The following SMARCA4 variants were observed in gnomAD, a reference collection of about 807,000 sequenced individuals.
SMARCA4 encodes the protein SWI/SNF related BAF chromatin remodeling complex subunit ATPase 4, also known as SWI/SNF-related matrix-associated actin-dependent regulator of chromatin subfamily A member 4.
SMARCA4 carries 31 observed loss-of-function variants against 193.9 expected under a neutral mutation model. The observed-to-expected ratio is 0.16, with a 90% confidence interval of 0.12 to 0.22. The LOEUF is 0.22. Ranked by LOEUF, SMARCA4 falls within the 10% of genes least tolerant of loss-of-function variation. SMARCA4 has a pLI of 1.00. For synonymous variants in SMARCA4, 942 were observed against 933.1 expected (o/e 1.01, Z -0.17); for missense variants, 1,148 against 2,296.0 (o/e 0.50, Z 10.22).
chr19:11,022,270 C>T (rs1296377346), intron 19 of SMARCA4, among the ~76,000 whole-genome samples: 3 of 152,174 alleles, frequency 2.0e-5, no homozygotes, highest in Non-Finnish European at 4.4e-5. Context: ...GGACCGCAAG[C>T]GTGTGGAGAG....
At position 10,986,840 on chromosome 19, in the gene SMARCA4, C is replaced by T. The variant is rs912426251; in HGVS notation, c.761-65C>T. ...TGTCCCCTGGAGCCAGGGCTGCCCA[C>T]GGGGCTGGGCGCAGGCATAAACCTG... On this transcript the variant is annotated intron_variant, in intron 4 of 34. Coordinates refer to ENST00000344626, the MANE Select transcript of SMARCA4 (RefSeq NM_003072.5). The surrounding 1 kb of genome is among the most constrained non-coding windows in gnomAD (Gnocchi z 6.7). The T allele has an allele frequency of 1.3e-5, 19 of 1,422,226 alleles. No individual in the cohort carries two copies. In the Middle Eastern group the frequency reaches 5.3e-4, roughly 40 times the overall value. The allele number at this position is 1,422,226 out of a possible 1,614,324, so 88.1% of individuals were successfully genotyped here.
rs1600168312 is a variant in SMARCA4, at chr19:11,007,988, T to A, written c.2088T>A (p.Asp696Glu). The A allele has an allele frequency of 1.9e-6, 3 of 1,613,624 alleles. No individual in the cohort carries two copies. Among genetic ancestry groups the A allele is most frequent in the Admixed American group, 3.3e-5 (2 of 60,012 alleles). The change falls in exon 14 of 35, where the codon GAT becomes GAA. Residue 696 changes from aspartate to glutamate, a missense_variant. Coordinates refer to ENST00000344626, the MANE Select transcript of SMARCA4 (RefSeq NM_003072.5). ...EKKKIPDPDS[D>E]DVSEVDARHI... ...AGAAGATTCCAGATCCAGACAGCGATGACGTCTCTGAGGTGGACGCGCGGC... is the reference window on the plus strand; with the variant it reads ...AGAAGATTCCAGATCCAGACAGCGAAGACGTCTCTGAGGTGGACGCGCGGC...
At chr19:11,008,467 C>G (rs1353897672) in intron 14 of SMARCA4, 1 of 318,250 alleles carries the variant, frequency 3.1e-6, no homozygotes, top group Non-Finnish European at 6.2e-6. Context: ...AACCTTCCCT[C>G]TTGGAGGTCA....
intron 11 of SMARCA4, among the ~76,000 whole-genome samples, chr19:10,997,611 C>G (rs1182007841): frequency 6.6e-6 from 1 of 152,094 alleles, no homozygotes; most frequent in Non-Finnish European, 1.5e-5. Flanking sequence ...CAGGCATAAG[C>G]CACCACGCCT....
Position 11,034,348 on chromosome 19 carries a change from A to T in SMARCA4, c.3951+148A>T. On this transcript the variant is annotated intron_variant, in intron 28 of 34. Coordinates refer to ENST00000344626, the MANE Select transcript of SMARCA4 (RefSeq NM_003072.5). This position sits in a 1 kb window ranked among gnomAD's most constrained non-coding sequence, Gnocchi z 7.0. ...CAGTGCAGCCCACTCCCACCTCCAG[A>T]CTGACCCGTCTTCCACCCCCAGTCT... The T allele has an allele frequency of 1.4e-6, 1 of 722,144 alleles. No individual in the cohort carries two copies. The highest frequency in any genetic ancestry group is 2.5e-6 in the Non-Finnish European group (1 of 400,760). The allele number at this position is 722,144 out of a possible 1,614,324, so 44.7% of individuals were successfully genotyped here.
chr19:10,996,114 T>A, intron 9 of SMARCA4, 99 bp from the exon 10 acceptor site: 1 of 1,201,056 alleles, frequency 8.3e-7, no homozygotes, highest in Non-Finnish European at 1.2e-6. Flanking sequence ...CCGCGTGAGC[T>A]ACGCGTGCCC....
intron 16 of SMARCA4, among the ~76,000 whole-genome samples, chr19:11,014,503 T>G (rs1404356669): frequency 6.6e-6 from 1 of 152,302 alleles, no homozygotes; most frequent in East Asian, 1.9e-4. Context: ...AGACCCAGAT[T>G]GCTACAGCGT....
chr19:11,012,808 A>G lies in SMARCA4; in HGVS notation c.2275-141A>G, dbSNP rs983871514. ...AGAATCAGTTTGGTTCAGAGGAAAA[A>G]TCCGTGGTAAAGGCAGTAGAGGGTG... On this transcript the variant is annotated intron_variant, in intron 15 of 34. Coordinates refer to ENST00000344626, the MANE Select transcript of SMARCA4 (RefSeq NM_003072.5). The G allele has an allele frequency of 6.8e-5, 51 of 752,466 alleles. 1 individual carries two copies. In the South Asian group the frequency reaches 7.2e-4, roughly 11 times the overall value. 46.6% of individuals were successfully genotyped at this position (752,466 alleles called of 1,614,324 possible).
At chr19:10,982,952 G>A (rs1321602543) in intron 1 of SMARCA4, among the ~76,000 whole-genome samples, 9 of 152,212 alleles carry the variant, frequency 5.9e-5, no homozygotes, top group East Asian at 1.9e-4. Context: ...TTTGCGACAT[G>A]CTTAACCAGA....
Position 11,003,262 on chromosome 19 carries a change from T to C in SMARCA4, c.1944-78T>C, listed in dbSNP as rs908773971. On this transcript the variant is annotated intron_variant, in intron 12 of 34. Coordinates refer to ENST00000344626, the MANE Select transcript of SMARCA4 (RefSeq NM_003072.5). ...GGAGCAATTTTACTTCTGTTTGAAT[T>C]CCCGGCAGGTTTGGTAGGGAAAGTG... 4 of 1,605,310 alleles carry C rather than the reference T, an allele frequency of 2.5e-6. No individual in the cohort carries two copies. The African/African-American group carries it at 4.0e-5, about 16-fold the overall frequency.
At chr19:11,027,077 G>T (rs1390747843) in intron 23 of SMARCA4, among the ~76,000 whole-genome samples, 1 of 152,326 alleles carries the variant, frequency 6.6e-6, no homozygotes, top group South Asian at 2.1e-4. Flanking sequence ...TTTCACCATT[G>T]CAAAGAACCT....
At position 11,030,610 on chromosome 19, in the gene SMARCA4, G is replaced by T; in HGVS notation, c.3383-120G>T. 1 of 892,102 alleles carries T rather than the reference G, an allele frequency of 1.1e-6. No individual in the cohort carries two copies. The allele number at this position is 892,102 out of a possible 1,614,324, so 55.3% of individuals were successfully genotyped here. ...CCCGTGTGGAGAGTGCGGAGCCAGG[G>T]ATCTGGGGATGCTGGCAGGTGCTGA... On this transcript the variant is annotated intron_variant, in intron 24 of 34. Coordinates refer to ENST00000344626, the MANE Select transcript of SMARCA4 (RefSeq NM_003072.5). The surrounding 1 kb of genome is among the most constrained non-coding windows in gnomAD (Gnocchi z 5.5).
chr19:10,996,162 C>T (rs2145966242), intron 9 of SMARCA4, 51 bp from the exon 10 acceptor site: 1 of 1,598,202 alleles, frequency 6.3e-7, no homozygotes. Context: ...TGGGTGCTCA[C>T]AGACATGCAC....
At chr19:11,044,694 CA>C (rs2075801849) in intron 30 of SMARCA4, among the ~76,000 whole-genome samples, 1 of 152,192 alleles carries the variant, frequency 6.6e-6, no homozygotes, top group Admixed American at 6.5e-5. Context: ...AGCTCTTTGG[CA>C]ATCTCTTCTG....
chr19:11,033,966 G>A lies in SMARCA4; in HGVS notation c.3873+101G>A. On this transcript the variant is annotated intron_variant, in intron 27 of 34. Transcript: ENST00000344626. The surrounding 1 kb of genome is among the most constrained non-coding windows in gnomAD (Gnocchi z 9.8). ...TCCCACGGAGCGTGCGTGTGCGTGT[G>A]CGTGTGTGTGCCTTTCGCTGCCGTG... 1.3e-6 allele frequency: 1 copy of A among 748,782 alleles called. No individual in the cohort carries two copies. Among genetic ancestry groups the A allele is most frequent in the Non-Finnish European group, 2.4e-6 (1 of 409,174 alleles). The allele number at this position is 748,782 out of a possible 1,614,324, so 46.4% of individuals were successfully genotyped here.
At chr19:11,006,976 A>T (rs1600160002) in intron 13 of SMARCA4, among the ~76,000 whole-genome samples, 1 of 151,934 alleles carries the variant, frequency 6.6e-6, no homozygotes, top group South Asian at 2.1e-4. Flanking sequence ...GGTCCCAGCT[A>T]CTCGAGAGGC....
At chr19:11,022,188 C>T (rs1415150727) in intron 19 of SMARCA4, among the ~76,000 whole-genome samples, 2 of 152,204 alleles carry the variant, frequency 1.3e-5, no homozygotes, top group Non-Finnish European at 2.9e-5. Flanking sequence ...TCTCGGAATG[C>T]TCGGGGCGTC....
chr19:10,990,306 C>T (rs1026388207), intron 7 of SMARCA4, among the ~76,000 whole-genome samples: 17 of 152,206 alleles, frequency 1.1e-4, no homozygotes, highest in Middle Eastern at 3.4e-3. Flanking sequence ...GTGTGCACCA[C>T]CATGCCGGGC....
intron 8 of SMARCA4, 83 bp from the exon 9 acceptor site, chr19:10,994,745 T>G (rs2086869902): frequency 2.4e-6 from 3 of 1,259,572 alleles, no homozygotes; most frequent in Non-Finnish European, 3.5e-6. Context: ...AGGCCAATAT[T>G]CTAGGTTTTA....
Sources: gnomAD v4.1 joint callset for allele counts (sites outside exome capture counted in the v4.1 genomes callset) on GRCh38, gnomAD v4.1.1 for gene constraint, Gnocchi (gnomAD v3.1) non-coding constraint, MANE v1.5 for transcripts, NCBI Gene and HGNC (gene_info 2026-07-23, HGNC 2026-07-21) for gene names.